The following EML6 variants were observed in gnomAD, a reference collection of about 807,000 sequenced individuals.
EML6 encodes EMAP like 6.
Under a neutral mutation model 240.1 loss-of-function variants are expected in EML6, and 154 were observed. That is an observed-to-expected ratio of 0.64 (90% confidence interval 0.56 to 0.73). The LOEUF (loss-of-function observed/expected upper bound fraction) is 0.73. EML6 is among the 30% of genes least tolerant of loss of function. The pLI is 0.00. For synonymous variants in EML6, 1,148 were observed against 899.0 expected (o/e 1.28, Z -4.95); for missense variants, 2,964 against 2,474.6 (o/e 1.20, Z -4.20).
chr2:54,859,512 C>G lies in EML6; in HGVS notation c.1658-22C>G, dbSNP rs1049991418. ...AACTCTTCTTTTTTCATAACTAATC[C>G]TCTCAAAAAATATTCTTTCAGGAGC... On this transcript the variant is annotated intron_variant, in intron 11 of 41. Transcript: ENST00000356458. 8 of 1,541,412 alleles carry G rather than the reference C, an allele frequency of 5.2e-6. No individual in the cohort carries two copies. In the African/African-American group the frequency reaches 9.6e-5, roughly 19 times the overall value.
intron 2 of EML6, among the ~76,000 whole-genome samples, chr2:54,796,790 C>T (rs560408690): frequency 6.6e-6 from 1 of 152,002 alleles, no homozygotes; most frequent in South Asian, 2.1e-4. Flanking sequence ...TAGAACAAAC[C>T]GTTTTAGAGC....
At chr2:54,918,809 C>G (rs1316697454) in intron 26 of EML6, among the ~76,000 whole-genome samples, 1 of 152,172 alleles carries the variant, frequency 6.6e-6, no homozygotes, top group Non-Finnish European at 1.5e-5. Context: ...CTCTGTCATC[C>G]TTAATCTCTC....
intron 10 of EML6, among the ~76,000 whole-genome samples, chr2:54,851,174 T>C: frequency 6.6e-6 from 1 of 152,154 alleles, no homozygotes; most frequent in East Asian, 1.9e-4. Context: ...TTTTGGAGAC[T>C]GAGGCGGGTG....
chr2:54,784,457 C>T (rs1229426649), intron 2 of EML6, among the ~76,000 whole-genome samples: 2 of 152,166 alleles, frequency 1.3e-5, no homozygotes, highest in Admixed American at 6.5e-5. Flanking sequence ...TACCGTACCA[C>T]TAATAATGAA....
chr2:54,898,185 A>G (rs1035984688), intron 21 of EML6, among the ~76,000 whole-genome samples: 2 of 152,112 alleles, frequency 1.3e-5, no homozygotes, highest in African/African-American at 2.4e-5. Flanking sequence ...CAGGATCCTA[A>G]GCCCATTTCC....
intron 28 of EML6, among the ~76,000 whole-genome samples, chr2:54,936,968 CTTTTTT>C (rs141307785): frequency 3.0e-5 from 4 of 132,636 alleles, no homozygotes; most frequent in East Asian, 2.2e-4. Context: ...TCATGTCTCT[CTTTTTT>C]TTTTTTTTTT....
intron 2 of EML6, among the ~76,000 whole-genome samples, chr2:54,745,190 G>T (rs1683859793): frequency 6.6e-6 from 1 of 152,196 alleles, no homozygotes; most frequent in Non-Finnish European, 1.5e-5. Flanking sequence ...TGGTGAAGCA[G>T]AGAGGTATTA....
chr2:54,856,678 C>T (rs546941391), intron 11 of EML6, among the ~76,000 whole-genome samples: 20 of 152,136 alleles, frequency 1.3e-4, no homozygotes, highest in African/African-American at 4.3e-4. Context: ...GGAAGAGTTG[C>T]GTACCGTGAC....
chr2:54,939,751 G>C (rs568526261), intron 28 of EML6, among the ~76,000 whole-genome samples: 2 of 152,300 alleles, frequency 1.3e-5, no homozygotes, highest in South Asian at 4.1e-4. Context: ...GGTTGTCCTG[G>C]TTTAATGAGA....
intron 5 of EML6, among the ~76,000 whole-genome samples, chr2:54,826,716 C>G (rs183759950): frequency 5.9e-5 from 9 of 152,208 alleles, no homozygotes; most frequent in Non-Finnish European, 1.0e-4. Context: ...GTCTTCTACA[C>G]AATGGACACA....
chr2:54,733,837 G>A (rs927427732), intron 2 of EML6, among the ~76,000 whole-genome samples: 3 of 151,722 alleles, frequency 2.0e-5, no homozygotes, highest in Non-Finnish European at 2.9e-5. Context: ...ATGTTTCAAA[G>A]GGCTGCCCCT....
intron 2 of EML6, among the ~76,000 whole-genome samples, chr2:54,808,047 T>G (rs1338782078): frequency 2.0e-5 from 3 of 152,238 alleles, no homozygotes; most frequent in Non-Finnish European, 4.4e-5. Context: ...CCCCCCTGCT[T>G]AACTATGGAT....
chr2:54,859,962 C>G (rs1670588347), intron 12 of EML6, among the ~76,000 whole-genome samples: 1 of 152,164 alleles, frequency 6.6e-6, no homozygotes, highest in African/African-American at 2.4e-5. Flanking sequence ...GAATAGGAAG[C>G]TCCTGACACT....
chr2:54,959,913 G>A (rs1676416685), intron 34 of EML6, among the ~76,000 whole-genome samples: 1 of 152,230 alleles, frequency 6.6e-6, no homozygotes, highest in African/African-American at 2.4e-5. Flanking sequence ...AAAGCCTGAA[G>A]ACAGGAGAAA....
chr2:54,817,603 G>A (rs1005612807), intron 4 of EML6, among the ~76,000 whole-genome samples: 6 of 152,124 alleles, frequency 3.9e-5, no homozygotes, highest in African/African-American at 7.2e-5. Context: ...TGGAAGAATT[G>A]TCTTGGGCCA....
rs1381823355 is a variant in EML6, at chr2:54,869,238, C to T, written c.2109C>T (p.Val703=). The T allele has an allele frequency of 1.3e-6, 2 of 1,551,734 alleles. No homozygotes were observed. Among genetic ancestry groups the T allele is most frequent in the South Asian group, 1.2e-5 (1 of 84,042 alleles). The change falls in exon 15 of 42, where the codon GTC becomes GTT. Residue 703 remains valine (V), a synonymous_variant. Coordinates refer to ENST00000356458, the MANE Select transcript of EML6 (RefSeq NM_001039753.4). The stretch of plus-strand genomic sequence containing the variant: ...TCTACACACAAGCTGGAGAAGTAGT[C>T]TACCACATTGCTGCAGTTGCTGTCG... The part of the protein sequence containing the change: ...NLFYTQAGEV[V]YHIAAVAVVY...
chr2:54,877,133 C>T (rs1671548543), intron 16 of EML6, among the ~76,000 whole-genome samples: 1 of 152,056 alleles, frequency 6.6e-6, no homozygotes, highest in South Asian at 2.1e-4. Context: ...CAGATGCACA[C>T]TACCATGCTT....
intron 28 of EML6, among the ~76,000 whole-genome samples, chr2:54,938,485 C>G (rs1255259282): frequency 6.6e-6 from 1 of 152,172 alleles, no homozygotes; most frequent in East Asian, 1.9e-4. Context: ...GCACAAGAGG[C>G]TTCCTTTATT....
intron 2 of EML6, among the ~76,000 whole-genome samples, chr2:54,749,231 A>G (rs1684047674): frequency 6.6e-6 from 1 of 152,226 alleles, no homozygotes; most frequent in Admixed American, 6.5e-5. Flanking sequence ...TAAAGCATTC[A>G]TGGGTGAAAA....
Sources: allele counts gnomAD v4.1 joint callset (sites outside exome capture counted in the v4.1 genomes callset), GRCh38; gene constraint gnomAD v4.1.1; transcripts MANE v1.5; gene names NCBI Gene and HGNC (gene_info 2026-07-23, HGNC 2026-07-21).